CCSER1: variants seen among roughly 807,000 people sequenced by gnomAD.
CCSER1 encodes coiled-coil serine rich protein 1.
In CCSER1, 41 loss-of-function variants were observed where a neutral mutation model predicts 82.0. The ratio of observed to expected loss-of-function variants is 0.50; its 90% CI spans 0.39 to 0.65. The LOEUF (loss-of-function observed/expected upper bound fraction) is 0.65. Among genes scored for constraint, CCSER1 ranks in the 30% least tolerant of loss-of-function variants. The pLI, the probability that CCSER1 is intolerant of heterozygous loss-of-function variation, is 0.00. For synonymous variants in CCSER1, 414 were observed against 383.9 expected, an observed-to-expected ratio of 1.08 and a Z score of -0.92; for missense variants, 1,119 against 1,064.2, an observed-to-expected ratio of 1.05 and a Z score of -0.72.
intron 10 of CCSER1, among the ~76,000 whole-genome samples, chr4:91,437,676 G>A (rs1754760745): frequency 6.6e-6 from 1 of 152,220 alleles, no homozygotes; most frequent in Non-Finnish European, 1.5e-5. Context: ...GCAGGGCGAG[G>A]CATTGCCTCA....
intron 10 of CCSER1, among the ~76,000 whole-genome samples, chr4:91,547,288 G>C (rs1425624678): frequency 6.6e-6 from 1 of 152,026 alleles, no homozygotes; most frequent in African/African-American, 2.4e-5. Flanking sequence ...GCATATTTCT[G>C]TTAGACGGAT....
intron 9 of CCSER1, among the ~76,000 whole-genome samples, chr4:91,061,505 C>A (rs1581451539): frequency 2.0e-5 from 3 of 151,988 alleles, no homozygotes; most frequent in Non-Finnish European, 2.9e-5. Flanking sequence ...GAAGAAATAT[C>A]CAGCTAGGAG....
intron 5 of CCSER1, among the ~76,000 whole-genome samples, chr4:90,587,565 A>G (rs1782177130): frequency 6.6e-6 from 1 of 152,192 alleles, no homozygotes; most frequent in Non-Finnish European, 1.5e-5. Flanking sequence ...GTACATGATT[A>G]TTAATAATTT....
chr4:90,260,281 T>C (rs1373291833), intron 1 of CCSER1, among the ~76,000 whole-genome samples: 2 of 152,166 alleles, frequency 1.3e-5, no homozygotes, highest in East Asian at 3.9e-4. Flanking sequence ...TTCAGTGAAC[T>C]TTTGTATTTT....
At chr4:91,495,481 C>T (rs1338180089) in intron 10 of CCSER1, among the ~76,000 whole-genome samples, 2 of 150,346 alleles carry the variant, frequency 1.3e-5, no homozygotes, top group African/African-American at 4.9e-5. Flanking sequence ...ACCATTTTAC[C>T]AGTGAAGAAT....
chr4:90,138,926 C>A (rs1051158017), intron 1 of CCSER1, among the ~76,000 whole-genome samples: 2 of 152,156 alleles, frequency 1.3e-5, no homozygotes, highest in African/African-American at 4.8e-5. Flanking sequence ...AGAATTCTTT[C>A]ATTCAGTAAA....
In CCSER1 at chr4:90,979,382, C is replaced by T. The variant is rs139890354; in HGVS notation, c.2172+55935C>T. On this transcript the variant is annotated intron_variant, in intron 9 of 10. Coordinates refer to ENST00000509176, the MANE Select transcript of CCSER1 (RefSeq NM_001145065.2). ...TGAATATAAGAGATAAGTTCCTATA[C>T]TCATGGAACTTATAAAATATTTTAT... Among the ~76,000 whole-genome samples the T allele has an allele frequency of 5.6e-3, 844 of 151,516 alleles. 9 individuals carry two copies. The highest frequency in any genetic ancestry group is 6.9e-3 in the South Asian group (33 of 4,808).
intron 5 of CCSER1, among the ~76,000 whole-genome samples, chr4:90,486,248 T>G (rs573748554): frequency 6.6e-6 from 1 of 152,220 alleles, no homozygotes; most frequent in Non-Finnish European, 1.5e-5. Flanking sequence ...TCTCTTTTGC[T>G]TAAATTCTTG....
At chr4:91,455,198 C>A (rs1184926054) in intron 10 of CCSER1, among the ~76,000 whole-genome samples, 4 of 152,004 alleles carry the variant, frequency 2.6e-5, no homozygotes, top group African/African-American at 9.7e-5. Flanking sequence ...TCCTGTGTCA[C>A]CTATCCTGGG....
intron 4 of CCSER1, among the ~76,000 whole-genome samples, chr4:90,414,774 T>C (rs1228341885): frequency 3.3e-5 from 5 of 152,154 alleles, no homozygotes; most frequent in Non-Finnish European, 5.9e-5. Context: ...AAGGTCAATA[T>C]TTCAAATAAG....
intron 10 of CCSER1, among the ~76,000 whole-genome samples, chr4:91,439,889 G>C (rs1397633198): frequency 6.6e-6 from 1 of 152,138 alleles, no homozygotes; most frequent in Non-Finnish European, 1.5e-5. Context: ...TAATGGTAAA[G>C]GGATCACTAC....
At chr4:90,483,666 A>G (rs1766474685) in intron 5 of CCSER1, among the ~76,000 whole-genome samples, 1 of 152,202 alleles carries the variant, frequency 6.6e-6, no homozygotes, top group Non-Finnish European at 1.5e-5. Flanking sequence ...TTCTGAGTTG[A>G]AAATTCTTTT....
chr4:91,557,937 TTA>T lies in CCSER1; in HGVS notation c.2218-40632_2218-40631del, dbSNP rs549368975. On this transcript the variant is annotated intron_variant, in intron 10 of 10. Transcript: ENST00000509176. ...ACATATTTATTTATACTAAATCATGTTATACTAGGACCATGATAAAAATACAC... is the reference window on the plus strand; with the variant it reads ...ACATATTTATTTATACTAAATCATGTTACTAGGACCATGATAAAAATACAC... Among the ~76,000 whole-genome samples the T allele has an allele frequency of 1.1e-4, 17 of 151,424 alleles. 1 individual carries two copies. The South Asian group carries it at 2.9e-3, about 26-fold the overall frequency.
chr4:91,120,265 T>C (rs917146559), intron 10 of CCSER1, among the ~76,000 whole-genome samples: 2 of 151,970 alleles, frequency 1.3e-5, no homozygotes, highest in African/African-American at 2.4e-5. Context: ...GAATAAAGCA[T>C]AGTTGGAGCA....
intron 5 of CCSER1, among the ~76,000 whole-genome samples, chr4:90,600,405 G>C (rs1028660293): frequency 6.6e-6 from 1 of 152,002 alleles, no homozygotes. Flanking sequence ...TTTCTTTGTG[G>C]TTTTAATTTG....
chr4:91,350,925 G>A (rs959987842), intron 10 of CCSER1, among the ~76,000 whole-genome samples: 12 of 151,864 alleles, frequency 7.9e-5, no homozygotes, highest in Non-Finnish European at 1.6e-4. Flanking sequence ...TATTTTATAC[G>A]GGGAGTAAAT....
At chr4:91,082,036 C>T (rs923883241) in intron 9 of CCSER1, among the ~76,000 whole-genome samples, 1 of 152,188 alleles carries the variant, frequency 6.6e-6, no homozygotes, top group Non-Finnish European at 1.5e-5. Flanking sequence ...CTACCAATGA[C>T]TTTCTTCACA....
intron 4 of CCSER1, among the ~76,000 whole-genome samples, chr4:90,412,829 C>G (rs546497342): frequency 3.9e-4 from 60 of 152,286 alleles, no homozygotes; most frequent in Middle Eastern, 3.4e-3. Context: ...TGAAAGCATT[C>G]TCCCTGAGAA....
At chr4:90,499,757 T>C (rs1263599242) in intron 5 of CCSER1, among the ~76,000 whole-genome samples, 1 of 152,138 alleles carries the variant, frequency 6.6e-6, no homozygotes, top group African/African-American at 2.4e-5. Flanking sequence ...ATAAATGAAA[T>C]TACATGATTT....
Sources: allele counts gnomAD v4.1 joint callset (sites outside exome capture counted in the v4.1 genomes callset), GRCh38; gene constraint gnomAD v4.1.1; transcripts MANE v1.5; gene names NCBI Gene and HGNC (gene_info 2026-07-23, HGNC 2026-07-21).